Variants in HTT observed in about 807,000 individuals in gnomAD.
HTT encodes the protein huntingtin.
HTT carries 104 observed loss-of-function variants against 362.3 expected under a neutral mutation model. That is an observed-to-expected ratio of 0.29 (90% CI 0.24 to 0.34). HTT has a LOEUF of 0.34. Ranked by LOEUF, HTT falls within the 10% of genes least tolerant of loss-of-function variation. The pLI is 1.00. For synonymous variants in HTT, 1,577 were observed against 1,548.7 expected (o/e 1.02, Z -0.43); for missense variants, 3,301 against 3,928.6 (o/e 0.84, Z 4.27).
At chr4:3,192,157 C>T (rs1719042210) in intron 40 of HTT, among the ~76,000 whole-genome samples, 1 of 152,176 alleles carries the variant, frequency 6.6e-6, no homozygotes, top group Non-Finnish European at 1.5e-5. Context: ...TCACTCTAGC[C>T]TCGAACTCCT....
rs10488839 is a variant in HTT at position 3,115,271 on chromosome 4, A to G, written c.748-33A>G. On this transcript the variant is annotated intron_variant, in intron 6 of 66. Coordinates refer to ENST00000355072, the MANE Select transcript of HTT (RefSeq NM_001388492.1). ...ACATGATAAGCTTCATAGGAGCTTCATCTTTTATCTACTTGGACTTTTGCT... is the reference window on the plus strand; with the variant it reads ...ACATGATAAGCTTCATAGGAGCTTCGTCTTTTATCTACTTGGACTTTTGCT... 12,256 of 1,602,492 alleles carry G rather than the reference A, an allele frequency of 7.6e-3. 465 individuals carry two copies. The East Asian group carries it at 0.12, about 15-fold the overall frequency.
At chr4:3,226,426 G>A (rs191292163) in intron 57 of HTT, among the ~76,000 whole-genome samples, 1 of 152,242 alleles carries the variant, frequency 6.6e-6, no homozygotes, top group African/African-American at 2.4e-5. Context: ...AGCCATGATT[G>A]CACCACTGCA....
At chr4:3,226,057 C>T (rs1326366861) in intron 57 of HTT, among the ~76,000 whole-genome samples, 1 of 152,002 alleles carries the variant, frequency 6.6e-6, no homozygotes, top group Non-Finnish European at 1.5e-5. Context: ...GACCGTGAGA[C>T]ACAAAAAGGG....
intron 60 of HTT, among the ~76,000 whole-genome samples, chr4:3,232,581 C>T (rs1472000953): frequency 6.6e-6 from 1 of 152,190 alleles, no homozygotes; most frequent in African/African-American, 2.4e-5. Context: ...CCAAGACTAC[C>T]CCAGGCTTTT....
rs760471052 is a variant in HTT, at chr4:3,220,209, C to G, written c.7270C>G (p.Pro2424Ala). ...GTGGAAGCTTGGATGGTCACCCAAA[C>G]CGGGAGGGGATTTTGGCACAGCATT... ...LVWKLGWSPK[P>A]GGDFGTAFPE... The change falls in exon 53 of 67, where the codon CCG becomes GCG. Residue 2424 changes from proline to alanine, a missense_variant. Coordinates refer to ENST00000355072, the MANE Select transcript of HTT (RefSeq NM_001388492.1). The G allele has an allele frequency of 1.9e-6, 3 of 1,614,116 alleles. No individual in the cohort carries two copies. In the South Asian group the frequency reaches 3.3e-5, roughly 18 times the overall value.
At position 3,215,152 on chromosome 4, in the gene HTT, G is replaced by A; in HGVS notation, c.6995G>A (p.Arg2332Lys). Residue 2332 changes from arginine (R) to lysine (K), a missense_variant, in exon 51 of 67, where the codon AGG becomes AAG. Physicochemically the swap from Arg to Lys is conservative, Grantham distance 26. This residue lies in a region of HTT where 220 missense variants were observed against 218.5 expected (regional missense o/e 1.01). Transcript: ENST00000355072. The part of the protein sequence containing the change: ...PGEQLLSPER[R>K]TNTPKAISEE... Reference sequence around the variant, plus strand: ...GAGCAGCTTCTTAGTCCAGAAAGAAGGACAAATACCCCAAAAGCCATCAGC... The same window carrying A: ...GAGCAGCTTCTTAGTCCAGAAAGAAAGACAAATACCCCAAAAGCCATCAGC... 6.2e-7 allele frequency: 1 copy of A among 1,614,154 alleles called. No individual in the cohort carries two copies. The highest frequency in any genetic ancestry group is 8.5e-7 in the Non-Finnish European group (1 of 1,180,012).
chr4:3,082,298 A>G (rs932549386), intron 1 of HTT, among the ~76,000 whole-genome samples: 2 of 151,246 alleles, frequency 1.3e-5, no homozygotes, highest in Admixed American at 6.6e-5. Context: ...CTCTACCTTG[A>G]GAAGTCCCCA....
rs190155522 is a variant in HTT at position 3,174,425 on chromosome 4, A to T, written c.4167-296A>T. Among the ~76,000 whole-genome samples, 5 of 152,314 alleles carry T rather than the reference A, an allele frequency of 3.3e-5. No homozygotes were observed. In the East Asian group the frequency reaches 9.6e-4, roughly 29 times the overall value. ...GACCTTCACCTTTCTCTCAAATCTC[A>T]CTTAAGACTGGGCTGAGTAGTCAGT... is the stretch of plus-strand genomic sequence containing the variant. On this transcript the variant is annotated intron_variant, in intron 31 of 66. Transcript: ENST00000355072.
rs893287905 is a variant in HTT, at chr4:3,088,288, G to A, written c.347+1266G>A. On this transcript the variant is annotated intron_variant, in intron 2 of 66. Transcript: ENST00000355072. Reference sequence around the variant, plus strand: ...TGCAAGCTCTGCCTCCCAGGTTCACGCCATTCTCCTGCTTCAGCCTGGCGA... The same window carrying A: ...TGCAAGCTCTGCCTCCCAGGTTCACACCATTCTCCTGCTTCAGCCTGGCGA... Among the ~76,000 whole-genome samples, 3 of 150,040 alleles carry A rather than the reference G, an allele frequency of 2.0e-5. No homozygotes were observed. In the South Asian group the frequency reaches 6.4e-4, roughly 32 times the overall value.
intron 41 of HTT, 22 bp downstream of exon 41, chr4:3,199,961 G>T (rs754796791): frequency 2.5e-6 from 4 of 1,589,994 alleles, no homozygotes; most frequent in Non-Finnish European, 3.4e-6. Flanking sequence ...ATGCCCCACA[G>T]CCCAGGGCGC....
intron 29 of HTT, among the ~76,000 whole-genome samples, chr4:3,162,036 T>C (rs2110219739): frequency 6.6e-6 from 1 of 152,350 alleles, no homozygotes; most frequent in East Asian, 1.9e-4. Flanking sequence ...GGTTTTCTTC[T>C]AGGATTTTTA....
chr4:3,160,516 C>T (rs1240517047), intron 29 of HTT, 124 bp downstream of exon 29: 6 of 689,076 alleles, frequency 8.7e-6, no homozygotes, highest in Non-Finnish European at 1.3e-5. Context: ...CTCCCTGCCC[C>T]ACGTGCTTGC....
intron 2 of HTT, among the ~76,000 whole-genome samples, chr4:3,089,049 A>G (rs767517809): frequency 2.6e-5 from 4 of 152,228 alleles, no homozygotes; most frequent in African/African-American, 4.8e-5. Flanking sequence ...CTACCTGTGT[A>G]AGCTGGGTGA....
chr4:3,206,481 C>G lies in HTT; in HGVS notation c.5719-15C>G. On this transcript the variant is annotated splice_polypyrimidine_tract_variant and intron_variant, in intron 42 of 66. Transcript: ENST00000355072. This position sits in a 1 kb window ranked among gnomAD's most constrained non-coding sequence, Gnocchi z 4.6. ...GTGTACTTGAAAATGAATCTCTCAT[C>G]ATATTTTTCCTTAGTGTCAGAACCT... The G allele has an allele frequency of 6.2e-7, 1 of 1,606,648 alleles. No individual in the cohort carries two copies. Among genetic ancestry groups the G allele is most frequent in the Non-Finnish European group, 8.5e-7 (1 of 1,173,414 alleles).
intron 40 of HTT, among the ~76,000 whole-genome samples, chr4:3,197,613 G>A (rs548062010): frequency 9.9e-5 from 15 of 152,162 alleles, no homozygotes; most frequent in Admixed American, 2.0e-4. Flanking sequence ...CCCTTTACCT[G>A]GGTTCTCCTG....
intron 52 of HTT, 114 bp from the exon 53 acceptor site, chr4:3,220,068 G>T: frequency 8.6e-7 from 1 of 1,164,222 alleles, no homozygotes. Flanking sequence ...CTCTGGGACA[G>T]TGTTGGGGTA....
At chr4:3,224,864 A>G (rs1411500794) in intron 56 of HTT, among the ~76,000 whole-genome samples, 1 of 152,210 alleles carries the variant, frequency 6.6e-6, no homozygotes, top group Non-Finnish European at 1.5e-5. Context: ...TTGGAGGGCC[A>G]TGGATCCAGC....
chr4:3,119,947 C>G (rs1368507939), intron 8 of HTT, among the ~76,000 whole-genome samples: 1 of 152,184 alleles, frequency 6.6e-6, no homozygotes, highest in African/African-American at 2.4e-5. Flanking sequence ...TCAACACTAC[C>G]TTTGTAGCAT....
intron 37 of HTT, 128 bp from the exon 38 acceptor site, chr4:3,186,469 C>T (rs1428417686): frequency 9.9e-7 from 1 of 1,011,632 alleles, no homozygotes; most frequent in African/African-American, 1.6e-5. Flanking sequence ...ACTTAAAATG[C>T]TTTTAAATGA....
Sources: allele counts gnomAD v4.1 joint callset (sites outside exome capture counted in the v4.1 genomes callset), GRCh38; gene constraint gnomAD v4.1.1; regional missense constraint gnomAD v4.1.1; non-coding constraint Gnocchi (gnomAD v3.1); transcripts MANE v1.5; gene names NCBI Gene and HGNC (gene_info 2026-07-23, HGNC 2026-07-21).